Variants in ADGRL3 observed in about 807,000 individuals in gnomAD.
ADGRL3 encodes calcium-independent alpha-latrotoxin receptor 3.
A neutral mutation model predicts 153.5 loss-of-function variants in ADGRL3; 62 were observed. That is an observed-to-expected ratio of 0.40 (90% CI 0.33 to 0.50). ADGRL3 has a LOEUF of 0.50. ADGRL3 is among the 20% of genes least tolerant of loss of function. The pLI, the probability that ADGRL3 is intolerant of heterozygous loss-of-function variation, is 0.47. For missense variants in ADGRL3, 1,641 were observed against 1,859.4 expected, an observed-to-expected ratio of 0.88 and a Z score of 2.16; for synonymous variants, 710 against 672.5, an observed-to-expected ratio of 1.06 and a Z score of -0.86.
chr4:61,684,656 A>G (rs1474110641), intron 6 of ADGRL3, among the ~76,000 whole-genome samples: 1 of 152,116 alleles, frequency 6.6e-6, no homozygotes, highest in Admixed American at 6.6e-5. Context: ...CCTAAAAGTC[A>G]GATTTAACAT....
intron 13 of ADGRL3, among the ~76,000 whole-genome samples, chr4:61,928,914 T>C (rs1030956563): frequency 6.6e-6 from 1 of 152,176 alleles, no homozygotes; most frequent in Non-Finnish European, 1.5e-5. Flanking sequence ...TATTAATGAA[T>C]ACCCAAATGG....
chr4:61,508,444 T>G lies in ADGRL3; in HGVS notation c.56-8871T>G, dbSNP rs930473606. ...AAGCTTTTGTAACATAGTAGCTTAG[T>G]GTTCTGATAATGACTCTAATGAGTA... On this transcript the variant is annotated intron_variant, in intron 3 of 26. Transcript: ENST00000683033. 2.0e-5 allele frequency among the ~76,000 whole-genome samples: 3 copies of G among 152,340 alleles called. No homozygotes were observed. The East Asian group carries it at 5.8e-4, about 29-fold the overall frequency.
rs576989879 is a variant in ADGRL3 at position 61,633,129 on chromosome 4, A to G, written c.474-43697A>G. Among the ~76,000 whole-genome samples, 9 of 152,182 alleles carry G rather than the reference A, an allele frequency of 5.9e-5. No homozygotes were observed. In the South Asian group the frequency reaches 1.9e-3, roughly 32 times the overall value. On this transcript the variant is annotated intron_variant, in intron 5 of 26. Transcript: ENST00000683033. ...AGTCAATTGCATTGTGTCCTCATAT[A>G]CATAGTGTTGGAGCTGACTATTGGA... is the stretch of plus-strand genomic sequence containing the variant.
At chr4:61,544,232 C>G (rs67283284) in intron 4 of ADGRL3, among the ~76,000 whole-genome samples, 49,463 of 151,968 alleles carry the variant, frequency 0.33, 8,697 homozygotes, top group Admixed American at 0.39. Context: ...CTGCACCCAA[C>G]CTTAATGGTG....
intron 2 of ADGRL3, among the ~76,000 whole-genome samples, chr4:61,475,349 T>C (rs989075931): frequency 6.6e-6 from 1 of 152,144 alleles, no homozygotes; most frequent in East Asian, 1.9e-4. Flanking sequence ...CCAAGGAAAA[T>C]AGTTCATTTT....
intron 2 of ADGRL3, among the ~76,000 whole-genome samples, chr4:61,458,801 A>T (rs1353092735): frequency 2.6e-5 from 4 of 151,388 alleles, no homozygotes; most frequent in South Asian, 4.2e-4. Flanking sequence ...GTTTTTCTAG[A>T]TGTTCTCTAG....
intron 5 of ADGRL3, among the ~76,000 whole-genome samples, chr4:61,676,232 G>A (rs747592076): frequency 4.6e-5 from 7 of 151,840 alleles, no homozygotes; most frequent in Non-Finnish European, 7.4e-5. Flanking sequence ...CAAAAGGAAC[G>A]TGACAGTTAA....
intron 5 of ADGRL3, among the ~76,000 whole-genome samples, chr4:61,622,988 A>G (rs1017553068): frequency 6.6e-6 from 1 of 152,154 alleles, no homozygotes; most frequent in Non-Finnish European, 1.5e-5. Flanking sequence ...TCAGAGGGAA[A>G]CAACGTTCAA....
intron 25 of ADGRL3, among the ~76,000 whole-genome samples, chr4:62,045,221 G>C (rs577144605): frequency 1.3e-5 from 2 of 151,270 alleles, no homozygotes; most frequent in South Asian, 2.1e-4. Flanking sequence ...CCCTTTCTCT[G>C]TCTCTCTTTC....
intron 2 of ADGRL3, among the ~76,000 whole-genome samples, chr4:61,391,138 A>G (rs1035254190): frequency 3.9e-5 from 6 of 152,244 alleles, no homozygotes; most frequent in African/African-American, 1.4e-4. Context: ...AAGGCAATTT[A>G]TAAACAGAAA....
intron 2 of ADGRL3, among the ~76,000 whole-genome samples, chr4:61,437,401 T>C (rs145265641): frequency 1.1e-4 from 17 of 152,312 alleles, no homozygotes; most frequent in African/African-American, 4.1e-4. Context: ...GGAGACACTT[T>C]GCATTATTTC....
chr4:61,381,553 G>T (rs1308961650), intron 1 of ADGRL3, among the ~76,000 whole-genome samples: 2 of 151,842 alleles, frequency 1.3e-5, no homozygotes, highest in Non-Finnish European at 2.9e-5. Flanking sequence ...TGGTGGAGTG[G>T]GTTTGGTAGT....
At chr4:61,470,769 G>A (rs189617823) in intron 2 of ADGRL3, among the ~76,000 whole-genome samples, 5 of 151,824 alleles carry the variant, frequency 3.3e-5, no homozygotes, top group African/African-American at 1.2e-4. Flanking sequence ...AAGTTGATAA[G>A]GGAGGATGAT....
At chr4:61,493,713 C>T (rs1444662393) in intron 2 of ADGRL3, among the ~76,000 whole-genome samples, 1 of 152,174 alleles carries the variant, frequency 6.6e-6, no homozygotes, top group Non-Finnish European at 1.5e-5. Flanking sequence ...GTTCCGGGTT[C>T]TCCACTCTTC....
At chr4:61,627,513 C>T (rs1474840226) in intron 5 of ADGRL3, among the ~76,000 whole-genome samples, 2 of 151,944 alleles carry the variant, frequency 1.3e-5, no homozygotes, top group African/African-American at 2.4e-5. Context: ...CCCAGCTACT[C>T]GGGAGGCTGA....
chr4:61,610,164 AT>A (rs1309393877), intron 5 of ADGRL3, among the ~76,000 whole-genome samples: 1 of 146,288 alleles, frequency 6.8e-6, no homozygotes, highest in Non-Finnish European at 1.5e-5. Flanking sequence ...TATACTTCTT[AT>A]AAAAGAGCCT....
intron 8 of ADGRL3, among the ~76,000 whole-genome samples, chr4:61,768,458 C>T (rs975650590): frequency 2.6e-5 from 4 of 152,018 alleles, no homozygotes; most frequent in Non-Finnish European, 5.9e-5. Context: ...ACGAGTTGCA[C>T]TGGGCACAGA....
chr4:61,558,346 C>T (rs1177368009), intron 4 of ADGRL3, among the ~76,000 whole-genome samples: 3 of 151,416 alleles, frequency 2.0e-5, no homozygotes, highest in Admixed American at 6.6e-5. Flanking sequence ...CTTTTCTAGT[C>T]TGCATTGGAT....
chr4:61,756,962 G>T (rs980742397), intron 8 of ADGRL3, among the ~76,000 whole-genome samples: 1 of 152,180 alleles, frequency 6.6e-6, no homozygotes, highest in East Asian at 1.9e-4. Flanking sequence ...GTATCCCAGG[G>T]ATGAAGCCCA....
Sources: gnomAD v4.1 joint callset for allele counts (sites outside exome capture counted in the v4.1 genomes callset) on GRCh38, gnomAD v4.1.1 for gene constraint, MANE v1.5 for transcripts, NCBI Gene and HGNC (gene_info 2026-07-23, HGNC 2026-07-21) for gene names.